Variants in SAMSN1 observed in about 807,000 individuals in gnomAD.
SAMSN1 encodes the protein SAM domain, SH3 domain and nuclear localization signals 1.
SAMSN1 carries 31 observed loss-of-function variants against 42.0 expected under a neutral mutation model. That is an observed-to-expected ratio of 0.74 (90% CI 0.55 to 1.00). SAMSN1 has a LOEUF of 1.00. Among genes scored for constraint, SAMSN1 ranks in the 50% least tolerant of loss-of-function variants. SAMSN1 has a pLI of 0.00. For synonymous variants in SAMSN1, 178 were observed against 151.9 expected, an observed-to-expected ratio of 1.17 and a Z score of -1.26; for missense variants, 464 against 439.4, an observed-to-expected ratio of 1.06 and a Z score of -0.50.
At chr21:14,547,428 A>T (rs1468351720), upstream of SAMSN1, among the ~76,000 whole-genome samples, 1 of 152,214 alleles carries the variant, frequency 6.6e-6, no homozygotes. Flanking sequence ...ATGATAATGA[A>T]AAAAGCAAAA....
chr21:14,643,208 C>A, intron 1 of SAMSN1: 1 of 691,538 alleles, frequency 1.4e-6, no homozygotes, highest in Non-Finnish European at 2.7e-6. Flanking sequence ...AATTTATACA[C>A]CCACCTTTAT....
At chr21:14,510,068 G>A (rs1481534956) in intron 5 of SAMSN1, among the ~76,000 whole-genome samples, 1 of 151,978 alleles carries the variant, frequency 6.6e-6, no homozygotes, top group East Asian at 1.9e-4. Flanking sequence ...GAACCCGGGA[G>A]GTGGAGGTTG....
Position 14,649,772 on chromosome 21 carries a change from A to AACACACACACATAC in SAMSN1, c.25-6640_25-6639insGTATGTGTGTGTGT, listed in dbSNP as rs1287085554. 3.6e-3 allele frequency among the ~76,000 whole-genome samples: 488 copies of AACACACACACATAC among 135,738 alleles called. 3 individuals are homozygous for AACACACACACATAC. Among genetic ancestry groups the AACACACACACATAC allele is most frequent in the African/African-American group, 0.014 (461 of 33,924 alleles). The allele number at this position is 135,738 out of a possible 152,430, so 89.0% of individuals were successfully genotyped here. A position where few individuals can be genotyped will look rare whatever the true frequency, so the allele number is the denominator to read the frequency against. Reference sequence around the variant, plus strand: ...GTGACGGAGTGAGACACTGTCTCAAAACACACACACACACACACACACACA... The same window carrying AACACACACACATAC: ...GTGACGGAGTGAGACACTGTCTCAAAACACACACACATACACACACACACACACACACACACACA... On this transcript the variant is annotated intron_variant, in intron 1 of 15. Transcript: ENST00000647101.
intron 5 of SAMSN1, among the ~76,000 whole-genome samples, chr21:14,604,157 A>C (rs1209825005): frequency 6.6e-6 from 1 of 152,172 alleles, no homozygotes; most frequent in African/African-American, 2.4e-5. Context: ...ACTCTCCAAA[A>C]ATGTTTTATA....
At chr21:14,541,265 G>A (rs968881918) in intron 1 of SAMSN1, among the ~76,000 whole-genome samples, 1 of 150,174 alleles carries the variant, frequency 6.7e-6, no homozygotes, top group Non-Finnish European at 1.5e-5. Flanking sequence ...AGAACTTAAA[G>A]TATAATAATG....
intron 2 of SAMSN1, among the ~76,000 whole-genome samples, chr21:14,620,001 G>T (rs1330586535): frequency 6.6e-6 from 1 of 151,764 alleles, no homozygotes; most frequent in East Asian, 1.9e-4. Flanking sequence ...GATCTTCTTA[G>T]ATTTTATGGC....
chr21:14,519,117 T>C (rs1301728114), intron 2 of SAMSN1, among the ~76,000 whole-genome samples: 5 of 152,170 alleles, frequency 3.3e-5, no homozygotes. Flanking sequence ...ATATTACTTA[T>C]GGTTTTGTTC....
intron 4 of SAMSN1, chr21:14,612,492 T>G: frequency 2.8e-6 from 1 of 358,762 alleles, no homozygotes; most frequent in Non-Finnish European, 5.7e-6. Flanking sequence ...AGAAGAGACT[T>G]TTATAATGAA....
chr21:14,641,714 A>C (rs574015940), intron 2 of SAMSN1, among the ~76,000 whole-genome samples: 1 of 152,316 alleles, frequency 6.6e-6, no homozygotes, highest in Non-Finnish European at 1.5e-5. Context: ...AGTATATGGA[A>C]GTTCTTTATC....
chr21:14,577,723 T>C, intron 2 of SAMSN1, among the ~76,000 whole-genome samples: 1 of 152,196 alleles, frequency 6.6e-6, no homozygotes, highest in Non-Finnish European at 1.5e-5. Context: ...GACTATTCCC[T>C]TTCTTAAGAT....
chr21:14,536,987 C>G (rs1419286578), intron 1 of SAMSN1, among the ~76,000 whole-genome samples: 1 of 152,174 alleles, frequency 6.6e-6, no homozygotes, highest in Non-Finnish European at 1.5e-5. Flanking sequence ...CTGGTTTCTG[C>G]AATAGTCTGT....
intron 2 of SAMSN1, among the ~76,000 whole-genome samples, chr21:14,580,943 A>C (rs1387084113): frequency 6.6e-6 from 1 of 152,186 alleles, no homozygotes; most frequent in Non-Finnish European, 1.5e-5. Flanking sequence ...AGCAATTTAC[A>C]AGGAAATTGA....
chr21:14,657,290 G>A (rs916696795), intron 1 of SAMSN1, among the ~76,000 whole-genome samples: 12 of 151,760 alleles, frequency 7.9e-5, no homozygotes, highest in South Asian at 2.1e-4. Context: ...TGATGGTTCC[G>A]TCTAATGAAA....
intron 1 of SAMSN1, among the ~76,000 whole-genome samples, chr21:14,522,490 A>G (rs1369338285): frequency 6.6e-6 from 1 of 152,244 alleles, no homozygotes; most frequent in East Asian, 1.9e-4. Context: ...TAGAAAATTA[A>G]TAATGGGAGT....
intron 2 of SAMSN1, among the ~76,000 whole-genome samples, chr21:14,638,360 A>G (rs9976182): frequency 0.16 from 23,614 of 152,156 alleles, 1,966 homozygotes; most frequent in African/African-American, 0.21. Context: ...TATATTTTAC[A>G]CTTATTGTCC....
chr21:14,489,399 C>T (rs1000041523), intron 7 of SAMSN1, among the ~76,000 whole-genome samples: 5 of 151,988 alleles, frequency 3.3e-5, no homozygotes, highest in Admixed American at 6.6e-5. Flanking sequence ...AACACACATA[C>T]GCATATAACT....
At chr21:14,635,879 T>C (rs1402708917) in intron 2 of SAMSN1, among the ~76,000 whole-genome samples, 1 of 152,100 alleles carries the variant, frequency 6.6e-6, no homozygotes, top group African/African-American at 2.4e-5. Context: ...CACAACGTTG[T>C]ATACATGTGC....
intron 6 of SAMSN1, 53 bp downstream of exon 6, chr21:14,500,476 C>T (rs777665468): frequency 3.3e-5 from 48 of 1,456,018 alleles, no homozygotes; most frequent in Admixed American, 8.5e-5. Context: ...CCACTCCCTT[C>T]GGTGTTTCCA....
chr21:14,556,929 T>A (rs112131016), intron 2 of SAMSN1, among the ~76,000 whole-genome samples: 41 of 152,304 alleles, frequency 2.7e-4, no homozygotes, highest in African/African-American at 9.6e-4. Flanking sequence ...ATATCCAAGT[T>A]AACATCTGTG....
Sources: allele counts gnomAD v4.1 joint callset (sites outside exome capture counted in the v4.1 genomes callset), GRCh38; gene constraint gnomAD v4.1.1; transcripts MANE v1.5; gene names NCBI Gene and HGNC (gene_info 2026-07-23, HGNC 2026-07-21).